The following CDH12 variants were observed in gnomAD, a reference collection of about 807,000 sequenced individuals.
CDH12 encodes the protein cadherin 12, also known as cadherin-12.
A neutral mutation model predicts 74.1 loss-of-function variants in CDH12; 41 were observed. The observed-to-expected ratio is 0.55, with a 90% CI of 0.43 to 0.72. CDH12 has a LOEUF of 0.72. Ranked by LOEUF, CDH12 falls within the 30% of genes least tolerant of loss-of-function variation. The pLI is 0.00. For missense variants in CDH12, 945 were observed against 977.2 expected (o/e 0.97, Z 0.44); for synonymous variants, 399 against 355.0 (o/e 1.12, Z -1.39).
intron 2 of CDH12, among the ~76,000 whole-genome samples, chr5:22,423,578 T>G (rs1377215921): frequency 6.6e-6 from 1 of 152,138 alleles, no homozygotes; most frequent in Non-Finnish European, 1.5e-5. Context: ...TTTGTACGCA[T>G]GTAGGGAAAG....
At chr5:22,535,938 A>C (rs2126711765) in intron 1 of CDH12, among the ~76,000 whole-genome samples, 1 of 152,318 alleles carries the variant, frequency 6.6e-6, no homozygotes, top group Admixed American at 6.5e-5. Flanking sequence ...TCTTGTTATT[A>C]TTCCCTAAAC....
intron 5 of CDH12, among the ~76,000 whole-genome samples, chr5:22,023,608 T>G (rs1448645951): frequency 6.6e-6 from 1 of 152,012 alleles, no homozygotes; most frequent in East Asian, 1.9e-4. Flanking sequence ...CACACAAATT[T>G]CTATAATGAC....
At chr5:22,374,846 G>GA (rs1007451247) in intron 3 of CDH12, among the ~76,000 whole-genome samples, 21 of 148,688 alleles carry the variant, frequency 1.4e-4, no homozygotes, top group Admixed American at 5.3e-4. Context: ...CTCATGAATT[G>GA]AAAAAAAAAT....
intron 4 of CDH12, among the ~76,000 whole-genome samples, chr5:22,147,927 G>A (rs1033324069): frequency 2.6e-5 from 4 of 152,178 alleles, no homozygotes; most frequent in African/African-American, 4.8e-5. Context: ...TCATCTGGTA[G>A]TGGTCAGTAC....
intron 6 of CDH12, among the ~76,000 whole-genome samples, chr5:21,947,759 C>T (rs1001702367): frequency 2.0e-5 from 3 of 152,280 alleles, no homozygotes; most frequent in Non-Finnish European, 2.9e-5. Flanking sequence ...TTTTCTTGGG[C>T]GTATCACAGA....
chr5:21,830,199 C>CAAAAAAA (rs1055199877), intron 8 of CDH12, among the ~76,000 whole-genome samples: 1,781 of 25,306 alleles, frequency 0.07, 284 homozygotes, highest in East Asian at 0.18. Context: ...AACTCCTTCT[C>CAAAAAAA]AAAAAAAAAA....
At chr5:21,953,220 G>C (rs556563910) in intron 6 of CDH12, among the ~76,000 whole-genome samples, 1 of 151,910 alleles carries the variant, frequency 6.6e-6, no homozygotes, top group East Asian at 1.9e-4. Context: ...CCTTTCTATC[G>C]ATTTCAAGAC....
intron 3 of CDH12, among the ~76,000 whole-genome samples, chr5:22,394,815 T>A (rs1292096265): frequency 1.3e-5 from 2 of 152,124 alleles, no homozygotes; most frequent in African/African-American, 2.4e-5. Context: ...ATATCCAAAG[T>A]CTCATGCATA....
intron 1 of CDH12, among the ~76,000 whole-genome samples, chr5:22,538,127 T>C (rs990633534): frequency 1.3e-5 from 2 of 152,152 alleles, no homozygotes; most frequent in African/African-American, 4.8e-5. Flanking sequence ...GCTAATCTTT[T>C]TTCTTCACCC....
intron 2 of CDH12, among the ~76,000 whole-genome samples, chr5:22,472,387 T>C (rs1351476970): frequency 1.3e-5 from 2 of 152,112 alleles, no homozygotes; most frequent in Non-Finnish European, 2.9e-5. Flanking sequence ...TCTCTAAATT[T>C]ACTTCCTTAG....
At chr5:22,687,299 A>G (rs1002565458) in intron 1 of CDH12, among the ~76,000 whole-genome samples, 1 of 152,220 alleles carries the variant, frequency 6.6e-6, no homozygotes, top group African/African-American at 2.4e-5. Flanking sequence ...TCTAAAAAAA[A>G]AAGAAAGAAA....
intron 1 of CDH12, among the ~76,000 whole-genome samples, chr5:22,517,560 C>T (rs913568429): frequency 1.7e-4 from 26 of 152,158 alleles, no homozygotes; most frequent in Admixed American, 1.4e-3. Flanking sequence ...GAAAACCACA[C>T]TATTAAAATT....
intron 5 of CDH12, among the ~76,000 whole-genome samples, chr5:22,030,874 T>G (rs1377527627): frequency 2.6e-5 from 4 of 152,218 alleles, no homozygotes; most frequent in Non-Finnish European, 5.9e-5. Context: ...ACATCAGCAC[T>G]GCTGCTTCAC....
intron 4 of CDH12, among the ~76,000 whole-genome samples, chr5:22,191,199 A>C (rs1445073887): frequency 1.3e-5 from 2 of 151,898 alleles, no homozygotes; most frequent in African/African-American, 4.8e-5. Flanking sequence ...TCATCTAGTA[A>C]ACTGCACATC....
At chr5:22,112,703 A>G (rs1744882379) in intron 4 of CDH12, among the ~76,000 whole-genome samples, 1 of 152,154 alleles carries the variant, frequency 6.6e-6, no homozygotes, top group Non-Finnish European at 1.5e-5. Context: ...TAATTAGCCA[A>G]GTTTGCTAGC....
At chr5:22,053,301 C>T (rs1261412218) in intron 5 of CDH12, among the ~76,000 whole-genome samples, 2 of 152,018 alleles carry the variant, frequency 1.3e-5, no homozygotes, top group African/African-American at 4.8e-5. Context: ...AAGTTATAAC[C>T]CATTCAACTT....
intron 3 of CDH12, among the ~76,000 whole-genome samples, chr5:22,279,882 G>GTATATACC (rs946558250): frequency 6.6e-6 from 1 of 152,072 alleles, no homozygotes; most frequent in Non-Finnish European, 1.5e-5. Flanking sequence ...ATTCCTTTGG[G>GTATATACC]TATATACCCG....
intron 2 of CDH12, among the ~76,000 whole-genome samples, chr5:22,462,898 T>G (rs1363690270): frequency 6.6e-6 from 1 of 151,934 alleles, no homozygotes; most frequent in Non-Finnish European, 1.5e-5. Context: ...TAGCAAGGAG[T>G]TTTAAAAATC....
intron 3 of CDH12, among the ~76,000 whole-genome samples, chr5:22,386,866 TA>T (rs1268719342): frequency 6.6e-6 from 1 of 151,946 alleles, no homozygotes; most frequent in African/African-American, 2.4e-5. Flanking sequence ...AATAAAATTT[TA>T]AAAAAGCAAA....
Sources: gnomAD v4.1 joint callset for allele counts (sites outside exome capture counted in the v4.1 genomes callset) on GRCh38, gnomAD v4.1.1 for gene constraint, MANE v1.5 for transcripts, NCBI Gene and HGNC (gene_info 2026-07-23, HGNC 2026-07-21) for gene names.